The following BFSP2 variants were observed in gnomAD, a reference collection of about 807,000 sequenced individuals.
The protein encoded by BFSP2 is phakinin.
Under a neutral mutation model 44.9 loss-of-function variants are expected in BFSP2, and 38 were observed. That is an observed-to-expected ratio of 0.85 (90% confidence interval 0.65 to 1.11). BFSP2 has a LOEUF of 1.11. Among genes scored for constraint, BFSP2 ranks in the 50% least tolerant of loss-of-function variants. The pLI is 0.00. For synonymous variants in BFSP2, 197 were observed against 209.9 expected (o/e 0.94, Z 0.53); for missense variants, 525 against 533.0 (o/e 0.99, Z 0.15).
At chr3:133,406,658 A>T (rs1005647838) in intron 1 of BFSP2, among the ~76,000 whole-genome samples, 2 of 152,142 alleles carry the variant, frequency 1.3e-5, no homozygotes, top group African/African-American at 4.8e-5. Flanking sequence ...ACTTCCTTTG[A>T]CATGATAAAA....
intron 1 of BFSP2, among the ~76,000 whole-genome samples, chr3:133,411,054 C>G (rs1209056188): frequency 6.6e-6 from 1 of 151,826 alleles, no homozygotes; most frequent in Non-Finnish European, 1.5e-5. Context: ...ATGTCATTTA[C>G]AGTTTTCAAA....
intron 1 of BFSP2, among the ~76,000 whole-genome samples, chr3:133,403,727 T>C (rs2073380888): frequency 6.6e-6 from 1 of 152,128 alleles, no homozygotes; most frequent in East Asian, 1.9e-4. Context: ...CTCTCCTCCC[T>C]GCCATCACCA....
At chr3:133,460,248 A>G (rs1237482179) in intron 4 of BFSP2, among the ~76,000 whole-genome samples, 2 of 152,182 alleles carry the variant, frequency 1.3e-5, no homozygotes, top group African/African-American at 4.8e-5. Flanking sequence ...CGATTTTAGC[A>G]TTTTATAGAG....
intron 4 of BFSP2, among the ~76,000 whole-genome samples, chr3:133,461,604 TAG>T (rs1215914321): frequency 6.6e-6 from 1 of 152,134 alleles, no homozygotes; most frequent in Non-Finnish European, 1.5e-5. Flanking sequence ...GAAACAGAAA[TAG>T]AGTTATAATA....
At chr3:133,410,240 T>C (rs886546346) in intron 1 of BFSP2, 2 of 333,520 alleles carry the variant, frequency 6.0e-6, no homozygotes, top group South Asian at 2.6e-5. Flanking sequence ...GTAGGACCTC[T>C]GCACCCAGCA....
At chr3:133,434,555 C>T (rs1576576961) in intron 1 of BFSP2, among the ~76,000 whole-genome samples, 2 of 152,244 alleles carry the variant, frequency 1.3e-5, no homozygotes, top group South Asian at 4.2e-4. Context: ...GAGCCCAAGC[C>T]AAGCCATCGC....
chr3:133,421,220 A>G (rs1234534291), intron 1 of BFSP2, among the ~76,000 whole-genome samples: 1 of 152,252 alleles, frequency 6.6e-6, no homozygotes, highest in Non-Finnish European at 1.5e-5. Flanking sequence ...TAATCAGTTA[A>G]TAAGAGGCAG....
At chr3:133,472,059 CCTTT>C (rs1030065863) in intron 5 of BFSP2, among the ~76,000 whole-genome samples, 3 of 152,114 alleles carry the variant, frequency 2.0e-5, no homozygotes, top group African/African-American at 7.2e-5. Context: ...CCTCACACCC[CCTTT>C]CTTTTCTCCC....
At chr3:133,417,733 CA>C (rs1674855807) in intron 1 of BFSP2, among the ~76,000 whole-genome samples, 1 of 146,774 alleles carries the variant, frequency 6.8e-6, no homozygotes, top group African/African-American at 2.5e-5. Context: ...CCCCTCTACT[CA>C]CCCGTCCTCT....
chr3:133,448,780 C>T (rs2073928577), intron 3 of BFSP2, 135 bp downstream of exon 3: 1 of 1,177,844 alleles, frequency 8.5e-7, no homozygotes, highest in Non-Finnish European at 1.2e-6. Context: ...AGGGAACATA[C>T]CTGTAAAATA....
chr3:133,411,839 A>G (rs1261527314), intron 1 of BFSP2, among the ~76,000 whole-genome samples: 1 of 152,224 alleles, frequency 6.6e-6, no homozygotes, highest in East Asian at 1.9e-4. Context: ...TAAAAATTGC[A>G]AGGGAAAGAA....
At chr3:133,441,746 A>G (rs534662467) in intron 1 of BFSP2, among the ~76,000 whole-genome samples, 10 of 152,346 alleles carry the variant, frequency 6.6e-5, no homozygotes, top group Non-Finnish European at 1.0e-4. Context: ...CCTGACTTCC[A>G]GGAGGTTATA....
chr3:133,404,517 G>A (rs2073387788), intron 1 of BFSP2, among the ~76,000 whole-genome samples: 2 of 152,218 alleles, frequency 1.3e-5, no homozygotes, highest in African/African-American at 2.4e-5. Context: ...CCAATGGCCG[G>A]TAAGAAAGGT....
intron 1 of BFSP2, among the ~76,000 whole-genome samples, chr3:133,413,639 A>G (rs1559958685): frequency 6.6e-6 from 1 of 152,040 alleles, no homozygotes. Context: ...GGAAAAGCAC[A>G]TAAAGACTCA....
intron 1 of BFSP2, among the ~76,000 whole-genome samples, chr3:133,422,420 G>T (rs777681587): frequency 1.3e-5 from 2 of 152,136 alleles, no homozygotes; most frequent in African/African-American, 2.4e-5. Flanking sequence ...GCAGAAACCT[G>T]GTGCCACTGA....
In BFSP2 at chr3:133,400,116, C is replaced by CT; in HGVS notation, c.33_34insT (p.Thr12TyrfsTer98). 1 of 1,614,140 alleles carries CT rather than the reference C, an allele frequency of 6.2e-7. No individual in the cohort carries two copies. Among genetic ancestry groups the CT allele is most frequent in the Admixed American group, 1.7e-5 (1 of 60,030 alleles). On this transcript the variant is annotated frameshift_variant, in exon 1 of 7. Coordinates refer to ENST00000302334, the MANE Select transcript of BFSP2 (RefSeq NM_003571.4). LOFTEE classifies it high-confidence loss of function. The surrounding 1 kb of genome is among the most constrained non-coding windows in gnomAD (Gnocchi z 4.0). ...AGAGGCGAGTGGTAGTGGACTTGCC[C>CT]ACCAGTGCCAGCTCCAGCATGCCCC...
intron 6 of BFSP2, among the ~76,000 whole-genome samples, chr3:133,474,527 A>T (rs963587308): frequency 6.6e-6 from 1 of 152,214 alleles, no homozygotes; most frequent in Non-Finnish European, 1.5e-5. Context: ...ATTTTTGTTG[A>T]TTATAAAAGC....
intron 1 of BFSP2, among the ~76,000 whole-genome samples, chr3:133,407,959 T>A (rs1174234961): frequency 1.3e-5 from 2 of 152,156 alleles, no homozygotes; most frequent in African/African-American, 4.8e-5. Flanking sequence ...AACTTGGATG[T>A]GGGAAAAATT....
chr3:133,409,190 T>C (rs971965363), intron 1 of BFSP2, among the ~76,000 whole-genome samples: 4 of 151,684 alleles, frequency 2.6e-5, no homozygotes, highest in Non-Finnish European at 5.9e-5. Context: ...AGTAATCACA[T>C]TGGTGGTGGT....
Sources: allele counts gnomAD v4.1 joint callset (sites outside exome capture counted in the v4.1 genomes callset), GRCh38; gene constraint gnomAD v4.1.1; non-coding constraint Gnocchi (gnomAD v3.1); transcripts MANE v1.5; gene names NCBI Gene and HGNC (gene_info 2026-07-23, HGNC 2026-07-21).